PTPRD: variants seen among roughly 807,000 people sequenced by gnomAD.
The protein encoded by PTPRD is protein tyrosine phosphatase receptor type D, also known as receptor-type tyrosine-protein phosphatase delta.
A neutral mutation model predicts 214.5 loss-of-function variants in PTPRD; 34 were observed. The ratio of observed to expected loss-of-function variants is 0.16; its 90% confidence interval spans 0.12 to 0.21. PTPRD has a LOEUF of 0.21. PTPRD is among the 10% of genes least tolerant of loss of function. PTPRD has a pLI of 1.00. For synonymous variants in PTPRD, 1,128 were observed against 845.7 expected (o/e 1.33, Z -5.79); for missense variants, 2,545 against 2,398.7 (o/e 1.06, Z -1.27).
chr9:9,223,565 A>T (rs2099957533), intron 9 of PTPRD, among the ~76,000 whole-genome samples: 1 of 152,034 alleles, frequency 6.6e-6, no homozygotes. Flanking sequence ...ATGCCTAACA[A>T]ATGCCTTCAT....
chr9:9,718,997 G>T (rs2097886046), intron 7 of PTPRD, among the ~76,000 whole-genome samples: 1 of 152,136 alleles, frequency 6.6e-6, no homozygotes, highest in Non-Finnish European at 1.5e-5. Context: ...TGAAGCCTGG[G>T]GGCCAGGATG....
intron 3 of PTPRD, among the ~76,000 whole-genome samples, chr9:10,214,533 C>T (rs1468612978): frequency 6.6e-6 from 1 of 151,534 alleles, no homozygotes; most frequent in African/African-American, 2.4e-5. Context: ...GCCTCAGCCT[C>T]CCAAAGTGCT....
chr9:9,667,111 T>C (rs1311564599), intron 7 of PTPRD, among the ~76,000 whole-genome samples: 2 of 152,052 alleles, frequency 1.3e-5, no homozygotes, highest in Non-Finnish European at 2.9e-5. Flanking sequence ...TTATATCTTC[T>C]TTACTCTCTT....
At chr9:8,392,183 G>A (rs944270361) in intron 36 of PTPRD, among the ~76,000 whole-genome samples, 1 of 152,020 alleles carries the variant, frequency 6.6e-6, no homozygotes, top group African/African-American at 2.4e-5. Context: ...CCAGGAGTCT[G>A]AGCCAGTCTG....
chr9:10,238,449 TCTC>T (rs553144186), intron 3 of PTPRD, among the ~76,000 whole-genome samples: 28 of 151,814 alleles, frequency 1.8e-4, no homozygotes, highest in South Asian at 4.1e-4. Context: ...CTTCCAACCT[TCTC>T]CTTGTTCTTT....
intron 2 of PTPRD, among the ~76,000 whole-genome samples, chr9:10,436,495 C>T (rs181670283): frequency 7.0e-4 from 106 of 151,738 alleles, no homozygotes; most frequent in Non-Finnish European, 1.3e-3. Context: ...TAGAATAAAT[C>T]ATAATGAATT....
At chr9:10,019,391 T>C (rs10958822) in intron 4 of PTPRD, among the ~76,000 whole-genome samples, 18,861 of 152,012 alleles carry the variant, frequency 0.12, 1,586 homozygotes, top group African/African-American at 0.22. Flanking sequence ...GATCTAGAAC[T>C]AGAAATACCA....
chr9:9,688,433 T>C (rs1443267227), intron 7 of PTPRD, among the ~76,000 whole-genome samples: 2 of 151,886 alleles, frequency 1.3e-5, no homozygotes, highest in East Asian at 3.9e-4. Flanking sequence ...GGCCCCAATA[T>C]GTATTTGGTT....
chr9:9,300,302 C>A (rs1241727644), intron 9 of PTPRD, among the ~76,000 whole-genome samples: 1 of 151,594 alleles, frequency 6.6e-6, no homozygotes, highest in African/African-American at 2.4e-5. Flanking sequence ...AATTTGTATA[C>A]ACTATTTTGT....
At chr9:10,226,983 G>A (rs62538656) in intron 3 of PTPRD, among the ~76,000 whole-genome samples, 20,069 of 151,888 alleles carry the variant, frequency 0.13, 1,389 homozygotes, top group Middle Eastern at 0.14. Context: ...GAGGACTGAT[G>A]AAATATAAAC....
At chr9:8,504,225 T>C (rs1432936888) in intron 23 of PTPRD, 36 bp downstream of exon 23, 3 of 1,611,638 alleles carry the variant, frequency 1.9e-6, no homozygotes, top group Non-Finnish European at 2.5e-6. Context: ...CCCGAGGAAA[T>C]AAAAAGGCAG....
intron 5 of PTPRD, among the ~76,000 whole-genome samples, chr9:9,893,488 T>C (rs1184932070): frequency 6.6e-6 from 1 of 152,134 alleles, no homozygotes; most frequent in African/African-American, 2.4e-5. Context: ...TTTCTGCTTT[T>C]AATAATGAAA....
At position 8,572,373 on chromosome 9, in the gene PTPRD, T is replaced by C. The variant is rs183218579; in HGVS notation, c.353-43594A>G. Reference sequence around the variant, plus strand: ...AAGTCCCAGGTTTATGATCCAAAGATAGAGATCTTGGCATTTTAACATGAG... The same window carrying C: ...AAGTCCCAGGTTTATGATCCAAAGACAGAGATCTTGGCATTTTAACATGAG... On this transcript the variant is annotated intron_variant, in intron 14 of 45. Transcript: ENST00000381196. Among the ~76,000 whole-genome samples, 344 of 152,184 alleles carry C rather than the reference T, an allele frequency of 2.3e-3. 2 individuals are homozygous for C. The highest frequency in any genetic ancestry group is 0.018 in the Admixed American group (282 of 15,254).
intron 8 of PTPRD, among the ~76,000 whole-genome samples, chr9:9,409,284 G>A (rs1268630446): frequency 2.6e-5 from 4 of 151,796 alleles, no homozygotes; most frequent in Non-Finnish European, 4.4e-5. Context: ...CCAATAGCAA[G>A]CTTTAATATA....
At chr9:9,876,599 C>G (rs150898537) in intron 5 of PTPRD, among the ~76,000 whole-genome samples, 1 of 152,146 alleles carries the variant, frequency 6.6e-6, no homozygotes, top group African/African-American at 2.4e-5. Context: ...TTTCTTAATG[C>G]TCATTATATG....
At chr9:10,571,669 G>A (rs889480021) in intron 2 of PTPRD, among the ~76,000 whole-genome samples, 29 of 152,106 alleles carry the variant, frequency 1.9e-4, no homozygotes, top group African/African-American at 4.1e-4. Context: ...TCCCCAAACC[G>A]TTTTCAGCAC....
Position 8,376,660 on chromosome 9 carries a change from G to C in PTPRD, c.4453C>G (p.Leu1485Val). 6.2e-7 allele frequency: 1 copy of C among 1,613,152 alleles called. No individual in the cohort carries two copies. The highest frequency in any genetic ancestry group is 8.5e-7 in the Non-Finnish European group (1 of 1,179,382). ...TATGTGGCCAGCTCCACAGTATCAA[G>C]CAGCGTTACTTGAACGAGTCCGTGG... ...ETHGLVQVTL[L>V]DTVELATYCV... Residue 1485 changes from leucine to valine, a missense_variant, in exon 38 of 46, where the codon CTT becomes GTT. Coordinates refer to ENST00000381196, the MANE Select transcript of PTPRD (RefSeq NM_002839.4).
In PTPRD at chr9:9,431,445, C is replaced by T. The variant is rs529429792; in HGVS notation, c.-236-33963G>A. Among the ~76,000 whole-genome samples, 9 of 152,240 alleles carry T rather than the reference C, an allele frequency of 5.9e-5. No individual in the cohort carries two copies. In the East Asian group the frequency reaches 1.6e-3, roughly 26 times the overall value. The stretch of plus-strand genomic sequence containing the variant: ...ATGTGGAGAAATAGGAATGCTTTTA[C>T]ACTGTTGGTGGGAGTGTAAACTAGT... On this transcript the variant is annotated intron_variant, in intron 8 of 45. Transcript: ENST00000381196.
At chr9:9,924,043 T>C (rs899873738) in intron 5 of PTPRD, among the ~76,000 whole-genome samples, 4 of 151,968 alleles carry the variant, frequency 2.6e-5, no homozygotes, top group African/African-American at 9.7e-5. Context: ...CTTTATAAAC[T>C]TCAGGAAAAA....
Sources: allele counts gnomAD v4.1 joint callset (sites outside exome capture counted in the v4.1 genomes callset), GRCh38; gene constraint gnomAD v4.1.1; transcripts MANE v1.5; gene names NCBI Gene and HGNC (gene_info 2026-07-23, HGNC 2026-07-21).